The following FAAH2 variants were observed in gnomAD, a reference collection of about 807,000 sequenced individuals.
The protein encoded by FAAH2 is fatty acid amide hydrolase 2.
FAAH2 carries 60 observed loss-of-function variants against 36.9 expected under a neutral mutation model. The ratio of observed to expected loss-of-function variants is 1.63; its 90% CI spans 1.32 to 2.02. The LOEUF (loss-of-function observed/expected upper bound fraction) is 2.02. FAAH2 is among the 30% of genes most tolerant of loss of function. The pLI, the probability that FAAH2 is intolerant of heterozygous loss-of-function variation, is 0.00. For missense variants in FAAH2, 689 were observed against 397.5 expected (o/e 1.73, Z -6.23); for synonymous variants, 214 against 143.8 (o/e 1.49, Z -3.49).
At chrX:57,219,293 C>T in the FAAH2 span, among the ~76,000 whole-genome samples, 1 of 111,453 alleles carries the variant, frequency 9.0e-6, no homozygotes, top group African/African-American at 3.3e-5. Flanking sequence ...TGTTGGTGCA[C>T]TCTCGGGGTT....
intron 3 of FAAH2, among the ~76,000 whole-genome samples, chrX:57,322,640 G>C (rs1200316589): frequency 9.0e-6 from 1 of 110,807 alleles, no homozygotes; most frequent in African/African-American, 3.3e-5. Context: ...ATGTCAATGA[G>C]TTCTAGATTC....
At chrX:57,383,860 T>C (rs1369987721) in intron 7 of FAAH2, among the ~76,000 whole-genome samples, 2 of 111,190 alleles carry the variant, frequency 1.8e-5, no homozygotes, top group Admixed American at 9.6e-5. Flanking sequence ...GAGCCCACAT[T>C]GCCAAGTCAA....
chrX:57,225,205 T>C, the FAAH2 span, among the ~76,000 whole-genome samples: 1 of 111,763 alleles, frequency 8.9e-6, no homozygotes, highest in Non-Finnish European at 1.9e-5. Flanking sequence ...TGTTCTTGTT[T>C]CTCTAGTTGC....
chrX:57,382,020 C>T (rs1434854609), intron 7 of FAAH2, among the ~76,000 whole-genome samples: 1 of 111,757 alleles, frequency 8.9e-6, no homozygotes, highest in Non-Finnish European at 1.9e-5. Context: ...GATTAAGAAA[C>T]TCGCTCAAAA....
intron 3 of FAAH2, among the ~76,000 whole-genome samples, chrX:57,315,198 T>G (rs766684489): frequency 1.8e-5 from 2 of 111,278 alleles, no homozygotes; most frequent in African/African-American, 6.5e-5. Flanking sequence ...TCTTCCAAGA[T>G]TGAATCAGGA....
intron 8 of FAAH2, among the ~76,000 whole-genome samples, chrX:57,442,528 C>A (rs113112841): frequency 0.081 from 8,963 of 111,267 alleles, 854 homozygotes; most frequent in African/African-American, 0.27. Context: ...GGGTTTCCTG[C>A]ATACAGCACA....
At chrX:57,206,974 C>A in the FAAH2 span, among the ~76,000 whole-genome samples, 1 of 111,627 alleles carries the variant, frequency 9.0e-6, no homozygotes, top group Non-Finnish European at 1.9e-5. Context: ...GGCCATCATT[C>A]TATGCAAATT....
At chrX:57,150,245 G>C in the FAAH2 span, among the ~76,000 whole-genome samples, 1 of 111,922 alleles carries the variant, frequency 8.9e-6, no homozygotes, top group Admixed American at 9.5e-5. Context: ...TGTTGATTTG[G>C]GGTGGAGAGT....
intron 2 of FAAH2, among the ~76,000 whole-genome samples, chrX:57,303,594 C>A: frequency 1.8e-5 from 2 of 111,672 alleles, no homozygotes; most frequent in South Asian, 7.5e-4. Context: ...CATTTTATAG[C>A]TGGAGAAACA....
chrX:57,444,687 C>A (rs765692716), intron 8 of FAAH2, among the ~76,000 whole-genome samples: 13 of 111,541 alleles, frequency 1.2e-4, no homozygotes, highest in Non-Finnish European at 2.1e-4. Flanking sequence ...CTTGGAGCTG[C>A]AGACTGGAGC....
At chrX:57,394,301 AG>A in intron 7 of FAAH2, 1 of 976,624 alleles carries the variant, frequency 1.0e-6, no homozygotes, top group Non-Finnish European at 1.5e-6. Context: ...CCCTTCTCCC[AG>A]GGGTGTTGGA....
intron 3 of FAAH2, among the ~76,000 whole-genome samples, chrX:57,317,731 T>A (rs2052886596): frequency 8.9e-6 from 1 of 111,878 alleles, no homozygotes; most frequent in South Asian, 3.7e-4. Flanking sequence ...CAGCATCACA[T>A]TGCACTTATT....
chrX:57,232,977 T>C, the FAAH2 span, among the ~76,000 whole-genome samples: 1 of 112,125 alleles, frequency 8.9e-6, no homozygotes, highest in South Asian at 3.7e-4. Context: ...ATCACTGAAG[T>C]CTTAGTAATT....
rs755070291 is a variant in FAAH2, at chrX:57,299,342, C to A, written c.275+6762C>A. On this transcript the variant is annotated intron_variant, in intron 2 of 10. Transcript: ENST00000374900. ...AGTTAATTCAGCATATAAACAGAAC[C>A]AAAGACAAAAACCACATGATTATCT... Among the ~76,000 whole-genome samples the A allele has an allele frequency of 3.6e-4, 40 of 111,809 alleles. No homozygotes were observed. The South Asian group carries it at 0.015, about 42-fold the overall frequency.
chrX:57,338,502 C>A (rs1383884963), intron 4 of FAAH2, among the ~76,000 whole-genome samples: 1 of 111,588 alleles, frequency 9.0e-6, no homozygotes, highest in Middle Eastern at 4.2e-3. Context: ...TTCAGGCCAT[C>A]TGGGCATATA....
Position 57,439,850 on chromosome X carries a change from A to C in FAAH2, c.1117-7078A>C, listed in dbSNP as rs945359281. On this transcript the variant is annotated intron_variant, in intron 8 of 10. Coordinates refer to ENST00000374900, the MANE Select transcript of FAAH2 (RefSeq NM_174912.4). ...GCCACTTTTCCCAGCACCATTTATT[A>C]AATAGGGAATCCTTTCCCCATTTCT... 5.4e-5 allele frequency among the ~76,000 whole-genome samples: 6 copies of C among 111,998 alleles called. No individual in the cohort carries two copies. In the Admixed American group the frequency reaches 5.7e-4, roughly 11 times the overall value.
chrX:57,216,624 G>GTATA, the FAAH2 span, among the ~76,000 whole-genome samples: 1 of 57,802 alleles, frequency 1.7e-5, no homozygotes, highest in East Asian at 5.0e-4. Flanking sequence ...ATATATATAC[G>GTATA]TATATATATA....
the FAAH2 span, among the ~76,000 whole-genome samples, chrX:57,195,049 A>G: frequency 1.8e-5 from 2 of 110,778 alleles, no homozygotes; most frequent in Non-Finnish European, 3.8e-5. Flanking sequence ...TATTTTTGTA[A>G]TTGCAAATTC....
intron 10 of FAAH2, among the ~76,000 whole-genome samples, chrX:57,472,522 A>AT (rs2057189711): frequency 9.0e-6 from 1 of 111,321 alleles, no homozygotes; most frequent in East Asian, 2.8e-4. Context: ...CTACACTTTG[A>AT]TTTTTTGGAA....
Sources: gnomAD v4.1 joint callset for allele counts (sites outside exome capture counted in the v4.1 genomes callset) on GRCh38, gnomAD v4.1.1 for gene constraint, MANE v1.5 for transcripts, NCBI Gene and HGNC (gene_info 2026-07-23, HGNC 2026-07-21) for gene names.